ATR: variants seen among roughly 807,000 people sequenced by gnomAD.
ATR encodes serine/threonine-protein kinase ATR.
ATR carries 142 observed loss-of-function variants against 305.3 expected under a neutral mutation model. The ratio of observed to expected loss-of-function variants is 0.47; its 90% CI spans 0.41 to 0.53. The LOEUF is 0.53. Ranked by LOEUF, ATR falls within the 20% of genes least tolerant of loss-of-function variation. ATR has a pLI of 0.00. For synonymous variants in ATR, 1,050 were observed against 1,068.1 expected (o/e 0.98, Z 0.33); for missense variants, 2,135 against 3,133.1 (o/e 0.68, Z 7.60).
In ATR at chr3:142,477,568, C is replaced by T. The variant is rs533275452; in HGVS notation, c.6222-7385G>A. Among the ~76,000 whole-genome samples, 82 of 152,218 alleles carry T rather than the reference C, an allele frequency of 5.4e-4. 3 individuals are homozygous for T. The highest frequency in any genetic ancestry group is 3.4e-3 in the Middle Eastern group (1 of 292). ...TTAAAATTCTCTTTTTTTGTTGTGT[C>T]TCTGCCAGGCTTTGGTATCAGGATG... On this transcript the variant is annotated intron_variant, in intron 36 of 46. Transcript: ENST00000350721.
chr3:142,482,052 A>G (rs1410480837), intron 36 of ATR, among the ~76,000 whole-genome samples: 1 of 151,804 alleles, frequency 6.6e-6, no homozygotes, highest in Non-Finnish European at 1.5e-5. Flanking sequence ...TTTTGAACTC[A>G]TGGGCTCAAG....
At chr3:142,463,501 A>T (rs2071063618) in intron 41 of ATR, among the ~76,000 whole-genome samples, 1 of 152,146 alleles carries the variant, frequency 6.6e-6, no homozygotes, top group South Asian at 2.1e-4. Flanking sequence ...GGCTCAACCA[A>T]TTCTCATGCC....
chr3:142,465,145 G>A lies in ATR; in HGVS notation c.6993C>T (p.Asp2331=), dbSNP rs762940932. The change falls in exon 41 of 47, where the codon GAC becomes GAT. Residue 2331 remains aspartate (D), a synonymous_variant. Transcript: ENST00000350721. ...CCATTAGTCTACAATCCTTTCTCAG[G>A]TCATCTTTTGGCTTACACATCATGA... ...FYIMMCKPKD[D]LRKDCRLMEF... is the part of the protein sequence containing the mutation. 6.2e-7 allele frequency: 1 copy of A among 1,603,620 alleles called. No homozygotes were observed. The highest frequency in any genetic ancestry group is 1.1e-5 in the South Asian group (1 of 89,624).
chr3:142,518,882 C>T (rs959680086), intron 24 of ATR, among the ~76,000 whole-genome samples: 1 of 151,750 alleles, frequency 6.6e-6, no homozygotes, highest in South Asian at 2.1e-4. Context: ...TTTCGTCAGT[C>T]CTAACAAAGT....
rs965577541 is a variant in ATR, at chr3:142,524,151, T to A, written c.3994A>T (p.Ile1332Phe). Residue 1332 changes from isoleucine to phenylalanine, a missense_variant, in exon 22 of 47, where the codon ATC (isoleucine) becomes TTC (phenylalanine). By Grantham distance (21) the Ile-to-Phe change is conservative. Coordinates refer to ENST00000350721, the MANE Select transcript of ATR (RefSeq NM_001184.4). ...ATDSETVEPI[I>F]SQLVTVLLKG... ...AAAAGCACTGTCACCAACTGTGAGA[T>A]AATAGGTTCTACTGTTTCACTGTCT... 1 of 1,613,956 alleles carries A rather than the reference T, an allele frequency of 6.2e-7. No homozygotes were observed. Among genetic ancestry groups the A allele is most frequent in the South Asian group, 1.1e-5 (1 of 91,086 alleles).
chr3:142,461,528 A>G (rs1483777387), intron 42 of ATR, among the ~76,000 whole-genome samples: 2 of 152,130 alleles, frequency 1.3e-5, no homozygotes, highest in Non-Finnish European at 2.9e-5. Flanking sequence ...TCTTATTCCA[A>G]TCTAAAACGT....
intron 24 of ATR, among the ~76,000 whole-genome samples, chr3:142,516,839 A>AT (rs1267778787): frequency 6.6e-6 from 1 of 152,022 alleles, no homozygotes; most frequent in Admixed American, 6.6e-5. Context: ...GTTCCTCAGC[A>AT]TTAACATTTA....
rs1553767201 is a variant in ATR, at chr3:142,538,593, T to C, written c.3614A>G (p.His1205Arg). ...ACTGAGAAGGGAGCCCAGACAAGCA[T>C]GATCCAGGCAGCGAACAAAGCAGTC... is the stretch of plus-strand genomic sequence containing the variant. ...AWDCFVRCLD[H>R]ACLGSLLSHV... The change falls in exon 19 of 47, where the codon CAT (histidine) becomes CGT (arginine). Residue 1205 changes from histidine to arginine, a missense_variant. By Grantham distance (29) the His-to-Arg change is conservative (BLOSUM62 0). Around this residue, in one of 9 missense-constraint regions of ATR, gnomAD observed 530 missense variants for 766.8 expected, o/e 0.69. Transcript: ENST00000350721. 3.1e-6 allele frequency: 5 copies of C among 1,613,544 alleles called. No homozygotes were observed. Among genetic ancestry groups the C allele is most frequent in the Non-Finnish European group, 4.2e-6 (5 of 1,179,626 alleles).
rs746970647 is a variant in ATR at position 142,559,439 on chromosome 3, C to T, written c.1544G>A (p.Arg515His). The T allele has an allele frequency of 7.4e-6, 12 of 1,612,548 alleles. No individual in the cohort carries two copies. Among genetic ancestry groups the T allele is most frequent in the South Asian group, 4.4e-5 (4 of 91,020 alleles). Residue 515 changes from arginine to histidine, a missense_variant and splice_region_variant, in exon 7 of 47, where the codon CGT becomes CAT. Arg to His is a conservative substitution (Grantham distance 29). This residue lies in a region of ATR where 744 missense variants were observed against 873.2 expected (regional missense o/e 0.85). Coordinates refer to ENST00000350721, the MANE Select transcript of ATR (RefSeq NM_001184.4). ...TTTATGTTGACAGTCCTTGAAAGTA[C>T]GGCTGCAGTAAGTACATTTTGTTAA... ...VHCSHQNMNCRTFKDCQHKSK... is the reference protein window; with the variant it reads ...VHCSHQNMNCHTFKDCQHKSK...
intron 27 of ATR, among the ~76,000 whole-genome samples, chr3:142,510,123 A>T (rs1392199296): frequency 6.6e-6 from 1 of 151,456 alleles, no homozygotes; most frequent in Admixed American, 6.6e-5. Flanking sequence ...CAGAAAAAAA[A>T]AAAAAAAAAA....
intron 24 of ATR, among the ~76,000 whole-genome samples, chr3:142,518,383 G>A (rs1011014499): frequency 2.6e-5 from 4 of 152,132 alleles, no homozygotes; most frequent in East Asian, 1.9e-4. Context: ...CAGGCATGGC[G>A]GTGCACGCCT....
chr3:142,534,382 G>A (rs535573987), intron 21 of ATR, among the ~76,000 whole-genome samples: 1 of 152,148 alleles, frequency 6.6e-6, no homozygotes, highest in East Asian at 1.9e-4. Flanking sequence ...TTACCATCAC[G>A]TATATCTTTT....
At chr3:142,501,813 C>T (rs2108348728) in intron 30 of ATR, among the ~76,000 whole-genome samples, 1 of 152,286 alleles carries the variant, frequency 6.6e-6, no homozygotes, top group South Asian at 2.1e-4. Context: ...GGTGCAATCT[C>T]AGCTCACTGC....
At chr3:142,514,019 C>T (rs1332345394) in intron 25 of ATR, among the ~76,000 whole-genome samples, 7 of 151,748 alleles carry the variant, frequency 4.6e-5, no homozygotes, top group Non-Finnish European at 1.0e-4. Context: ...CCTGTAATCC[C>T]AGCACTTTGG....
intron 24 of ATR, among the ~76,000 whole-genome samples, chr3:142,518,157 TG>T (rs1457071704): frequency 6.6e-6 from 1 of 151,950 alleles, no homozygotes; most frequent in African/African-American, 2.4e-5. Context: ...ACTAAGAAAA[TG>T]GGGGAAGTAT....
chr3:142,466,706 A>T lies in ATR; in HGVS notation c.6688-173T>A, dbSNP rs1204058163. ...ATTTACCTCATTAATAATAGTACCT[A>T]CATCATAGGATTGTTTAATGATTAA... On this transcript the variant is annotated intron_variant, in intron 39 of 46. Coordinates refer to ENST00000350721, the MANE Select transcript of ATR (RefSeq NM_001184.4). Among the ~76,000 whole-genome samples the T allele has an allele frequency of 4.6e-5, 7 of 152,252 alleles. No individual in the cohort carries two copies. The East Asian group carries it at 1.3e-3, about 29-fold the overall frequency.
intron 36 of ATR, among the ~76,000 whole-genome samples, chr3:142,483,576 C>CA (rs2030688059): frequency 6.6e-6 from 1 of 152,122 alleles, no homozygotes; most frequent in Admixed American, 6.5e-5. Flanking sequence ...GAGTGGCTCA[C>CA]ATCTATAATC....
In ATR at chr3:142,507,991, G is replaced by C. The variant is rs763704742; in HGVS notation, c.4971C>G (p.His1657Gln). ...RSKAYTRAVMHFESFITEKKQ... is the reference protein window; with the variant it reads ...RSKAYTRAVMQFESFITEKKQ... ...TCTTTTCTGTAATAAATGATTCAAA[G>C]TGCATTACAGCTCGTGTGTATGCTT... The change falls in exon 28 of 47, where the codon CAC becomes CAG. Residue 1657 changes from histidine to glutamine, a missense_variant. This residue lies in a region of ATR where 45 missense variants were observed against 80.4 expected (regional missense o/e 0.56). Transcript: ENST00000350721. 1 of 1,613,264 alleles carries C rather than the reference G, an allele frequency of 6.2e-7. No individual in the cohort carries two copies. The highest frequency in any genetic ancestry group is 1.7e-5 in the Admixed American group (1 of 59,942).
Position 142,562,200 on chromosome 3 carries a change from ATACT to A in ATR, c.1170+28_1170+31del, listed in dbSNP as rs765932702. On this transcript the variant is annotated intron_variant, in intron 4 of 46. Coordinates refer to ENST00000350721, the MANE Select transcript of ATR (RefSeq NM_001184.4). ...TACAATTAAATGATGAACAAAATAC[ATACT>A]TAACTAGTAACCTGAAAAATTACTT... The A allele has an allele frequency of 5.6e-6, 9 of 1,610,602 alleles. No individual in the cohort carries two copies. The South Asian group carries it at 9.9e-5, about 18-fold the overall frequency.
Sources: gnomAD v4.1 joint callset for allele counts (sites outside exome capture counted in the v4.1 genomes callset) on GRCh38, gnomAD v4.1.1 for gene constraint, gnomAD v4.1.1 regional missense constraint, MANE v1.5 for transcripts, NCBI Gene and HGNC (gene_info 2026-07-23, HGNC 2026-07-21) for gene names.